ZDHHC11B: variants seen among roughly 807,000 people sequenced by gnomAD.
The protein encoded by ZDHHC11B is probable palmitoyltransferase ZDHHC11B.
Under a neutral mutation model 42.3 loss-of-function variants are expected in ZDHHC11B, and 17 were observed. The observed-to-expected ratio is 0.40, with a 90% CI of 0.27 to 0.60. The LOEUF (loss-of-function observed/expected upper bound fraction) is 0.60, where lower values mean the gene tolerates loss of function less well. ZDHHC11B is among the 20% of genes least tolerant of loss of function. ZDHHC11B has a pLI of 0.41. For missense variants in ZDHHC11B, 262 were observed against 463.2 expected, an observed-to-expected ratio of 0.57 and a Z score of 3.99; for synonymous variants, 123 against 193.5, an observed-to-expected ratio of 0.64 and a Z score of 3.02.
intron 1 of ZDHHC11B, among the ~76,000 whole-genome samples, chr5:769,627 C>A (rs1293472181): frequency 6.6e-6 from 1 of 151,806 alleles, no homozygotes; most frequent in Non-Finnish European, 1.5e-5. Context: ...GCGTTTCAAA[C>A]CCAAGTGATC....
Position 739,140 on chromosome 5 carries a change from T to A in ZDHHC11B, c.935+2454A>T, listed in dbSNP as rs1468366365. Among the ~76,000 whole-genome samples the A allele has an allele frequency of 1.9e-4, 29 of 149,526 alleles. 2 individuals are homozygous for A. Among genetic ancestry groups the A allele is most frequent in the African/African-American group, 6.6e-4 (26 of 39,610 alleles). Reference sequence around the variant, plus strand: ...CCAATTGGGTGTGGTGGCTCATGTCTGTAATCCCAGTCCTTACAGAGGCTG... The same window carrying A: ...CCAATTGGGTGTGGTGGCTCATGTCAGTAATCCCAGTCCTTACAGAGGCTG... On this transcript the variant is annotated intron_variant, in intron 10 of 13. Coordinates refer to ENST00000508859, the MANE Select transcript of ZDHHC11B (RefSeq NM_001351303.2).
At chr5:776,859 G>A (rs1323673389) in intron 1 of ZDHHC11B, among the ~76,000 whole-genome samples, 3 of 151,862 alleles carry the variant, frequency 2.0e-5, no homozygotes, top group Non-Finnish European at 4.4e-5. Context: ...TTTGGCAGAT[G>A]GTTCTTGTTT....
rs371743000 is a variant in ZDHHC11B, at chr5:737,565, G to A, written c.936-3726C>T. Among the ~76,000 whole-genome samples the A allele has an allele frequency of 1.8e-4, 27 of 149,384 alleles. 1 individual carries two copies. Among genetic ancestry groups the A allele is most frequent in the South Asian group, 4.4e-4 (2 of 4,518 alleles). On this transcript the variant is annotated intron_variant, in intron 10 of 13. Coordinates refer to ENST00000508859, the MANE Select transcript of ZDHHC11B (RefSeq NM_001351303.2). ...CAAAAATCCTCAACAAAATACTAGC[G>A]AACCGAATCAAACAGCATAGCAAAA...
Position 750,833 on chromosome 5 carries a change from G to T in ZDHHC11B, c.628+300C>A, listed in dbSNP as rs1253869195. On this transcript the variant is annotated intron_variant, in intron 7 of 13. Coordinates refer to ENST00000508859, the MANE Select transcript of ZDHHC11B (RefSeq NM_001351303.2). ...AGGATGGTGTGACAGGTGCTACAGG[G>T]CTGACTGCGGAGGGCAGGGGCAGAG... Among the ~76,000 whole-genome samples, 7 of 129,126 alleles carry T rather than the reference G, an allele frequency of 5.4e-5. 1 individual carries two copies. Among genetic ancestry groups the T allele is most frequent in the African/African-American group, 1.5e-4 (6 of 39,550 alleles). The allele number at this position is 129,126 out of a possible 152,430, so 84.7% of individuals were successfully genotyped here. A position where few individuals can be genotyped will look rare whatever the true frequency, so the allele number is the denominator to read the frequency against.
rs1418646050 is a variant in ZDHHC11B, at chr5:711,653, C to T, written c.*637G>A. ...TGCTGTATACTCCTATCTCCCAGTG[C>T]TGTTTGCTCCCATTTCCCAGTACTG... is the stretch of plus-strand genomic sequence containing the variant. On this transcript the variant is annotated 3_prime_UTR_variant, in exon 14 of 14. Coordinates refer to ENST00000508859, the MANE Select transcript of ZDHHC11B (RefSeq NM_001351303.2). The T allele has an allele frequency of 1.3e-5, 2 of 150,130 alleles. No homozygotes were observed. Among genetic ancestry groups the T allele is most frequent in the Non-Finnish European group, 2.9e-5 (2 of 68,786 alleles). The allele number at this position is 150,130 out of a possible 1,614,324, so 9.3% of individuals were successfully genotyped here.
rs776018111 is a variant in ZDHHC11B, at chr5:717,256, T to C, written c.1059-391A>G. On this transcript the variant is annotated intron_variant, in intron 12 of 13. Transcript: ENST00000508859. ...CAACTCTTGCTTGATTGTGGTGAGT[T>C]CTTGCTATCGTGGAGCCTTAAGTGT... is the stretch of plus-strand genomic sequence containing the variant. Among the ~76,000 whole-genome samples, 19 of 151,730 alleles carry C rather than the reference T, an allele frequency of 1.3e-4. 1 individual carries two copies. The highest frequency in any genetic ancestry group is 2.5e-4 in the Non-Finnish European group (17 of 67,968).
At position 771,545 on chromosome 5, in the gene ZDHHC11B, G is replaced by C. The variant is rs115435229; in HGVS notation, c.-229-2615C>G. On this transcript the variant is annotated intron_variant, in intron 1 of 13. Coordinates refer to ENST00000508859, the MANE Select transcript of ZDHHC11B (RefSeq NM_001351303.2). ...AGGGCCGTCTGGGGGCAGGATCCTG[G>C]GGGTGGAAAGGCTGGGTCAGGTGTC... Among the ~76,000 whole-genome samples the C allele has an allele frequency of 8.1e-3, 1,231 of 151,230 alleles. 25 individuals carry two copies. The highest frequency in any genetic ancestry group is 0.028 in the African/African-American group (1,137 of 41,108).
rs533039623 is a variant in ZDHHC11B at position 777,948 on chromosome 5, G to A, written c.-230+6720C>T. On this transcript the variant is annotated intron_variant, in intron 1 of 13. Transcript: ENST00000508859. ...GCGTGGCCTCGGCATGGCGGTCGGC[G>A]GGTCCCGAGCCCTGCCCAGCAGGGA... is the stretch of plus-strand genomic sequence containing the variant. Among the ~76,000 whole-genome samples, 550 of 151,840 alleles carry A rather than the reference G, an allele frequency of 3.6e-3. 11 individuals carry two copies. The highest frequency in any genetic ancestry group is 0.013 in the African/African-American group (536 of 41,338).
intron 1 of ZDHHC11B, among the ~76,000 whole-genome samples, chr5:777,804 G>T (rs573671329): frequency 6.6e-6 from 1 of 151,986 alleles, no homozygotes; most frequent in Non-Finnish European, 1.5e-5. Flanking sequence ...GGAGCTGCCC[G>T]CCAGTACTGC....
chr5:729,497 G>A (rs1477757538), intron 12 of ZDHHC11B, among the ~76,000 whole-genome samples: 2 of 151,062 alleles, frequency 1.3e-5, no homozygotes, highest in Non-Finnish European at 3.0e-5. Flanking sequence ...TGAGATGTGA[G>A]GTGAAGGCAG....
intron 6 of ZDHHC11B, among the ~76,000 whole-genome samples, chr5:754,218 C>G (rs1165283807): frequency 9.4e-4 from 86 of 91,290 alleles, no homozygotes; most frequent in Middle Eastern, 5.6e-3. Context: ...TCAGGGGAAA[C>G]ACGTCTCATC....
chr5:732,312 A>G (rs1227875085), intron 11 of ZDHHC11B: 1 of 188,040 alleles, frequency 5.3e-6, no homozygotes, highest in Non-Finnish European at 1.1e-5. Context: ...GCTTCAGACC[A>G]GGCCTCATGT....
At chr5:717,407 G>A (rs1197697805) in intron 12 of ZDHHC11B, among the ~76,000 whole-genome samples, 4 of 151,734 alleles carry the variant, frequency 2.6e-5, no homozygotes, top group Non-Finnish European at 5.9e-5. Context: ...CCGTGTTGCT[G>A]CCCAGACTTT....
chr5:771,283 T>A (rs1579447283), intron 1 of ZDHHC11B, among the ~76,000 whole-genome samples: 1 of 151,122 alleles, frequency 6.6e-6, no homozygotes, highest in Non-Finnish European at 1.5e-5. Flanking sequence ...TCCCACAAAT[T>A]CCCCCAAAAC....
intron 1 of ZDHHC11B, among the ~76,000 whole-genome samples, chr5:772,608 T>C (rs1360781729): frequency 0.13 from 15,361 of 115,172 alleles, 9 homozygotes; most frequent in South Asian, 0.26. Context: ...CGAGAAGAAG[T>C]AGTAGATGCA....
intron 12 of ZDHHC11B, among the ~76,000 whole-genome samples, chr5:729,549 A>AGG (rs1703368561): frequency 6.8e-6 from 1 of 147,572 alleles, no homozygotes; most frequent in African/African-American, 2.5e-5. Flanking sequence ...ACTGTGTGCG[A>AGG]GTGTGTGTGT....
Position 745,170 on chromosome 5 carries a change from A to G in ZDHHC11B, c.900+13T>C, listed in dbSNP as rs1395029390. On this transcript the variant is annotated intron_variant, in intron 9 of 13. Coordinates refer to ENST00000508859, the MANE Select transcript of ZDHHC11B (RefSeq NM_001351303.2). Reference sequence around the variant, plus strand: ...CCAGGCCTGGAGAAAAGGAGCAGAGAGACAGGTGGTACCTGGAGAAATCCT... The same window carrying G: ...CCAGGCCTGGAGAAAAGGAGCAGAGGGACAGGTGGTACCTGGAGAAATCCT... The G allele has an allele frequency of 9.6e-6, 11 of 1,146,632 alleles. No homozygotes were observed. Among genetic ancestry groups the G allele is most frequent in the African/African-American group, 5.8e-5 (4 of 69,400 alleles). The allele number at this position is 1,146,632 out of a possible 1,614,324, so 71.0% of individuals were successfully genotyped here.
intron 12 of ZDHHC11B, among the ~76,000 whole-genome samples, chr5:717,187 T>G (rs1365109255): frequency 1.3e-5 from 2 of 151,338 alleles, no homozygotes; most frequent in African/African-American, 4.9e-5. Context: ...TGGCGAAATG[T>G]GGGGCCCACA....
intron 4 of ZDHHC11B, among the ~76,000 whole-genome samples, chr5:760,269 C>T (rs1315174886): frequency 2.6e-5 from 4 of 151,858 alleles, no homozygotes; most frequent in East Asian, 3.9e-4. Context: ...GATGTGACCT[C>T]GCTTGGAAAT....
Sources: gnomAD v4.1 joint callset for allele counts (sites outside exome capture counted in the v4.1 genomes callset) on GRCh38, gnomAD v4.1.1 for gene constraint, MANE v1.5 for transcripts, NCBI Gene and HGNC (gene_info 2026-07-23, HGNC 2026-07-21) for gene names.